ELAPOR2: variants seen among roughly 807,000 people sequenced by gnomAD.
ELAPOR2 encodes the protein endosome/lysosome-associated apoptosis and autophagy regulator family member 2.
Under a neutral mutation model 120.7 loss-of-function variants are expected in ELAPOR2, and 89 were observed. The ratio of observed to expected loss-of-function variants is 0.74; its 90% CI spans 0.62 to 0.88. The LOEUF is 0.88. ELAPOR2 is among the 40% of genes least tolerant of loss of function. The probability of loss-of-function intolerance (pLI) is 0.00; values close to 1 mark genes in which losing one functional copy is unlikely to be tolerated. For missense variants in ELAPOR2, 1,134 were observed against 1,251.6 expected (o/e 0.91, Z 1.42); for synonymous variants, 444 against 444.9 (o/e 1.00, Z 0.03).
intron 1 of ELAPOR2, among the ~76,000 whole-genome samples, chr7:87,047,964 G>A (rs1008759851): frequency 6.6e-6 from 1 of 152,154 alleles, no homozygotes; most frequent in East Asian, 1.9e-4. Flanking sequence ...AATGTGGTAC[G>A]GCTGGGTGCG....
intron 1 of ELAPOR2, among the ~76,000 whole-genome samples, chr7:87,022,491 T>C (rs936279117): frequency 1.3e-5 from 2 of 152,132 alleles, no homozygotes; most frequent in African/African-American, 4.8e-5. Context: ...TGTTGAACAT[T>C]TGGGTTGGTT....
intron 19 of ELAPOR2, among the ~76,000 whole-genome samples, chr7:86,895,461 A>T (rs1399500782): frequency 6.6e-6 from 1 of 152,108 alleles, no homozygotes; most frequent in Non-Finnish European, 1.5e-5. Flanking sequence ...TAACAGAAGG[A>T]TATATTTAAC....
In ELAPOR2 at chr7:86,922,263, T is replaced by C. The variant is rs1447969744; in HGVS notation, c.1400-2953A>G. ...TACATTCCCTTCTAGTCTTTGTCCA[T>C]AGGCACAGTTTAATAATGGTATACA... On this transcript the variant is annotated intron_variant, in intron 10 of 21. Transcript: ENST00000450689. Among the ~76,000 whole-genome samples, 8 of 152,058 alleles carry C rather than the reference T, an allele frequency of 5.3e-5. No homozygotes were observed. In the South Asian group the frequency reaches 8.3e-4, roughly 16 times the overall value.
intron 1 of ELAPOR2, among the ~76,000 whole-genome samples, chr7:86,967,023 G>A (rs773348865): frequency 2.0e-5 from 3 of 152,152 alleles, no homozygotes; most frequent in Admixed American, 6.6e-5. Flanking sequence ...TGGGGATTAG[G>A]ACTTGGATTT....
chr7:87,027,585 G>A (rs1794285819), intron 1 of ELAPOR2, among the ~76,000 whole-genome samples: 1 of 152,136 alleles, frequency 6.6e-6, no homozygotes, highest in South Asian at 2.1e-4. Flanking sequence ...TTATTATGGT[G>A]AGCCAAATCC....
In ELAPOR2 at chr7:86,909,860, G is replaced by A. The variant is rs755725686; in HGVS notation, c.2311C>T (p.Arg771Ter). 38 of 1,613,034 alleles carry A rather than the reference G, an allele frequency of 2.4e-5. No homozygotes were observed. Among genetic ancestry groups the A allele is most frequent in the Admixed American group, 5.0e-5 (3 of 59,942 alleles). Reference sequence around the variant, plus strand: ...ATGGATTGTGATGATAAGGCTGCTCGGAAACCCTTACTTTCAGAAGGAATA... The same window carrying A: ...ATGGATTGTGATGATAAGGCTGCTCAGAAACCCTTACTTTCAGAAGGAATA... Reference protein sequence around the residue: ...TIIPSESKGFRAALSSQSIIL... With the variant: ...TIIPSESKGF Residue 771 changes from arginine (R) to a stop codon, truncating the protein, a stop_gained, in exon 16 of 22, where the codon CGA becomes TGA. Transcript: ENST00000450689. LOFTEE classifies it high-confidence loss of function.
intron 1 of ELAPOR2, among the ~76,000 whole-genome samples, chr7:87,056,820 G>A (rs1276122235): frequency 6.6e-6 from 1 of 152,134 alleles, no homozygotes; most frequent in African/African-American, 2.4e-5. Context: ...AACCAGGCAG[G>A]AAAATCAGAG....
chr7:86,947,904 C>A lies in ELAPOR2; in HGVS notation c.329G>T (p.Gly110Val). Residue 110 changes from glycine to valine, a missense_variant, in exon 3 of 22, where the codon GGA becomes GTA. Around this residue, in one of 3 missense-constraint regions of ELAPOR2, gnomAD observed 280 missense variants for 331.5 expected, o/e 0.84. Coordinates refer to ENST00000450689, the MANE Select transcript of ELAPOR2 (RefSeq NM_001142749.3). The part of the protein sequence containing the change: ...GKECTFSCAS[G>V]EYLEMKNQVC... ...CTGGTTCTTCATTTCTAGATACTCTCCAGAAGCACAGGAGAAAGCTGGAAG... is the reference window on the plus strand; with the variant it reads ...CTGGTTCTTCATTTCTAGATACTCTACAGAAGCACAGGAGAAAGCTGGAAG... The A allele has an allele frequency of 6.4e-7, 1 of 1,551,654 alleles. No individual in the cohort carries two copies. The highest frequency in any genetic ancestry group is 8.7e-7 in the Non-Finnish European group (1 of 1,146,676).
intron 15 of ELAPOR2, among the ~76,000 whole-genome samples, chr7:86,910,398 T>C (rs1363449419): frequency 6.6e-6 from 1 of 151,996 alleles, no homozygotes; most frequent in African/African-American, 2.4e-5. Context: ...AAAGAAAAAG[T>C]GTTGGTCTTC....
intron 1 of ELAPOR2, among the ~76,000 whole-genome samples, chr7:86,976,928 G>A (rs1408802239): frequency 6.6e-6 from 1 of 152,144 alleles, no homozygotes; most frequent in Non-Finnish European, 1.5e-5. Flanking sequence ...AGGTACTCTA[G>A]GGCCTGGGGT....
chr7:87,036,156 T>C (rs1363184147), intron 1 of ELAPOR2, among the ~76,000 whole-genome samples: 2 of 152,164 alleles, frequency 1.3e-5, no homozygotes, highest in African/African-American at 2.4e-5. Context: ...ATGCATTTTG[T>C]CAATAATGAT....
At chr7:86,930,852 T>A (rs970953645) in intron 8 of ELAPOR2, among the ~76,000 whole-genome samples, 4 of 151,960 alleles carry the variant, frequency 2.6e-5, no homozygotes, top group African/African-American at 9.7e-5. Context: ...TTTTCTAAAA[T>A]TTCCCTTCAA....
intron 1 of ELAPOR2, among the ~76,000 whole-genome samples, chr7:87,007,168 C>T (rs1264979662): frequency 1.3e-5 from 2 of 152,176 alleles, no homozygotes; most frequent in East Asian, 1.9e-4. Flanking sequence ...GTACACTTAA[C>T]ATTTGTGCAT....
intron 1 of ELAPOR2, among the ~76,000 whole-genome samples, chr7:86,993,246 A>AAAAAAAAAAAAAG (rs796528835): frequency 6.3e-5 from 9 of 143,988 alleles, no homozygotes; most frequent in East Asian, 2.0e-4. Context: ...AAAAAAAAAA[A>AAAAAAAAAAAAAG]AAAAGAAAAA....
In ELAPOR2 at chr7:87,011,161, G is replaced by A. The variant is rs549697224; in HGVS notation, c.190-46137C>T. Among the ~76,000 whole-genome samples the A allele has an allele frequency of 4.1e-4, 62 of 150,700 alleles. No homozygotes were observed. In the South Asian group the frequency reaches 0.013, roughly 31 times the overall value. On this transcript the variant is annotated intron_variant, in intron 1 of 21. Transcript: ENST00000450689. Reference sequence around the variant, plus strand: ...CACGTGCCTGTAGTCCCAGCTACTCGGGAGGCTGAGGCAGGAGAATCGCTT... The same window carrying A: ...CACGTGCCTGTAGTCCCAGCTACTCAGGAGGCTGAGGCAGGAGAATCGCTT...
At chr7:87,040,051 C>A (rs1333702372) in intron 1 of ELAPOR2, among the ~76,000 whole-genome samples, 4 of 152,208 alleles carry the variant, frequency 2.6e-5, no homozygotes, top group Non-Finnish European at 5.9e-5. Context: ...TCGAATACTG[C>A]GCTTTTCCGA....
chr7:86,923,619 C>T (rs1789926907), intron 10 of ELAPOR2, among the ~76,000 whole-genome samples: 1 of 151,748 alleles, frequency 6.6e-6, no homozygotes, highest in Non-Finnish European at 1.5e-5. Context: ...TGGTATAATC[C>T]TCATAAGTGG....
At position 86,883,023 on chromosome 7, in the gene ELAPOR2, GGTGTGT is replaced by G. The variant is rs55859925; in HGVS notation, c.3031-2499_3031-2494del. ...ACATACTGGATGATCGTTTGAAAGGGGTGTGTGTGTGTGTGTGTGTGTGTGTGTGTG... is the reference window on the plus strand; with the variant it reads ...ACATACTGGATGATCGTTTGAAAGGGGTGTGTGTGTGTGTGTGTGTGTGTG... On this transcript the variant is annotated intron_variant, in intron 21 of 21. Transcript: ENST00000450689. 6.3e-3 allele frequency among the ~76,000 whole-genome samples: 891 copies of G among 141,542 alleles called. 6 individuals carry two copies. Among genetic ancestry groups the G allele is most frequent in the African/African-American group, 0.02 (779 of 38,206 alleles). 92.9% of individuals were successfully genotyped at this position (141,542 alleles called of 152,430 possible). A position where few individuals can be genotyped will look rare whatever the true frequency, so the allele number is the denominator to read the frequency against.
chr7:86,944,799 A>C (rs1303476908), intron 4 of ELAPOR2, 100 bp downstream of exon 4: 1 of 996,876 alleles, frequency 1.0e-6, no homozygotes, highest in Non-Finnish European at 1.4e-6. Flanking sequence ...CACACAAAAA[A>C]AAAACTGAGG....
Sources: gnomAD v4.1 joint callset for allele counts (sites outside exome capture counted in the v4.1 genomes callset) on GRCh38, gnomAD v4.1.1 for gene constraint, gnomAD v4.1.1 regional missense constraint, MANE v1.5 for transcripts, NCBI Gene and HGNC (gene_info 2026-07-23, HGNC 2026-07-21) for gene names.